The following GLI2 variants were observed in gnomAD, a reference collection of about 807,000 sequenced individuals.
GLI2 encodes the protein GLI family zinc finger 2.
A neutral mutation model predicts 78.9 loss-of-function variants in GLI2; 22 were observed. That is an observed-to-expected ratio of 0.28 (90% CI 0.20 to 0.40). GLI2 has a LOEUF of 0.40. GLI2 is among the 10% of genes least tolerant of loss of function. GLI2 has a pLI of 1.00. For missense variants in GLI2, 2,097 were observed against 2,213.2 expected, an observed-to-expected ratio of 0.95 and a Z score of 1.05; for synonymous variants, 974 against 963.7, an observed-to-expected ratio of 1.01 and a Z score of -0.20.
At chr2:120,979,831 A>G (rs1305552628) in intron 10 of GLI2, among the ~76,000 whole-genome samples, 1 of 152,068 alleles carries the variant, frequency 6.6e-6, no homozygotes, top group Non-Finnish European at 1.5e-5. Flanking sequence ...CTGGACAATT[A>G]CTAATCTGCT....
intron 2 of GLI2, among the ~76,000 whole-genome samples, chr2:120,856,004 C>G (rs948249861): frequency 6.6e-6 from 1 of 152,184 alleles, no homozygotes; most frequent in Non-Finnish European, 1.5e-5. Flanking sequence ...TGGATTATCT[C>G]GTGCCATCTT....
chr2:120,937,931 C>T (rs7597451), intron 3 of GLI2, among the ~76,000 whole-genome samples: 127,268 of 152,064 alleles, frequency 0.84, 57,354 homozygotes, highest in East Asian at 1. Context: ...CCCAGGCCTC[C>T]AGTGAAATAT....
At chr2:120,773,813 T>C (rs1001091575) in intron 1 of GLI2, among the ~76,000 whole-genome samples, 2 of 152,008 alleles carry the variant, frequency 1.3e-5, no homozygotes, top group Non-Finnish European at 2.9e-5. Flanking sequence ...GCTTCAGCGG[T>C]GTTGGAGGCT....
chr2:120,901,561 G>A (rs1678256807), intron 2 of GLI2, among the ~76,000 whole-genome samples: 1 of 152,130 alleles, frequency 6.6e-6, no homozygotes, highest in East Asian at 1.9e-4. Flanking sequence ...CAGGTCCAGG[G>A]GTCTTCATAG....
intron 1 of GLI2, among the ~76,000 whole-genome samples, chr2:120,746,515 C>T (rs1411113730): frequency 6.6e-6 from 1 of 152,198 alleles, no homozygotes; most frequent in African/African-American, 2.4e-5. Flanking sequence ...GGCCCAGAGC[C>T]ATGCCTATCC....
At chr2:120,811,858 C>T (rs997638580) in intron 2 of GLI2, among the ~76,000 whole-genome samples, 3 of 152,116 alleles carry the variant, frequency 2.0e-5, no homozygotes, top group African/African-American at 7.2e-5. Flanking sequence ...CCTTCCCTCC[C>T]TCTTTCCTTC....
chr2:120,898,216 A>AC (rs1558867030), intron 2 of GLI2, among the ~76,000 whole-genome samples: 4 of 151,086 alleles, frequency 2.6e-5, no homozygotes, highest in East Asian at 3.9e-4. Flanking sequence ...ACACACACAC[A>AC]AAATGATTGT....
intron 2 of GLI2, among the ~76,000 whole-genome samples, chr2:120,912,844 G>A (rs1678896103): frequency 6.6e-6 from 1 of 152,266 alleles, no homozygotes; most frequent in South Asian, 2.1e-4. Flanking sequence ...CAAGGGAGGT[G>A]CTGTCGACCA....
intron 2 of GLI2, among the ~76,000 whole-genome samples, chr2:120,919,063 C>T (rs1679241147): frequency 6.6e-6 from 1 of 152,214 alleles, no homozygotes; most frequent in African/African-American, 2.4e-5. Flanking sequence ...CTAGCGCCTT[C>T]TTTTGCCAAA....
chr2:120,742,727 C>A (rs1035817403), intron 1 of GLI2, among the ~76,000 whole-genome samples: 1 of 150,496 alleles, frequency 6.6e-6, no homozygotes, highest in Non-Finnish European at 1.5e-5. Flanking sequence ...CCATTGAGCA[C>A]GTACATCATG....
intron 2 of GLI2, among the ~76,000 whole-genome samples, chr2:120,816,812 A>G (rs1230032658): frequency 3.3e-5 from 5 of 152,212 alleles, no homozygotes; most frequent in Admixed American, 1.3e-4. Flanking sequence ...ATACAGATCT[A>G]GAGATAGAAA....
chr2:120,866,938 C>G (rs1407309722), intron 2 of GLI2: 1 of 152,360 alleles, frequency 6.6e-6, no homozygotes, highest in Non-Finnish European at 1.5e-5. Context: ...TTCACCTGCA[C>G]TGCCCGCAGG....
At chr2:120,885,661 C>T (rs1032835239) in intron 2 of GLI2, among the ~76,000 whole-genome samples, 1 of 152,202 alleles carries the variant, frequency 6.6e-6, no homozygotes, top group South Asian at 2.1e-4. Context: ...CAGCAGGAGG[C>T]GTCTAGCAGG....
intron 5 of GLI2, among the ~76,000 whole-genome samples, chr2:120,963,912 G>A (rs1254490651): frequency 6.6e-6 from 1 of 152,232 alleles, no homozygotes; most frequent in Non-Finnish European, 1.5e-5. Context: ...TTGAGTAAGT[G>A]CTGTGTTTAG....
intron 13 of GLI2, among the ~76,000 whole-genome samples, chr2:120,987,625 G>T (rs1237083922): frequency 1.3e-5 from 2 of 152,154 alleles, no homozygotes; most frequent in Non-Finnish European, 2.9e-5. Flanking sequence ...GTAATAACCT[G>T]CTCCTTAAAC....
intron 2 of GLI2, among the ~76,000 whole-genome samples, chr2:120,894,157 G>T (rs998196100): frequency 6.6e-6 from 1 of 152,190 alleles, no homozygotes; most frequent in Admixed American, 6.5e-5. Flanking sequence ...CTGACTTTCC[G>T]GAAAGGCCCC....
At chr2:120,930,222 C>T (rs1358385290) in intron 3 of GLI2, among the ~76,000 whole-genome samples, 1 of 152,290 alleles carries the variant, frequency 6.6e-6, no homozygotes, top group African/African-American at 2.4e-5. Context: ...GTAGGAAGAC[C>T]CCAACAGCGA....
At chr2:120,773,183 A>G (rs1485053398) in intron 1 of GLI2, among the ~76,000 whole-genome samples, 1 of 152,134 alleles carries the variant, frequency 6.6e-6, no homozygotes, top group African/African-American at 2.4e-5. Flanking sequence ...AAGTGTAACA[A>G]GTGGGTCAGA....
chr2:120,794,849 C>G (rs1021498196), intron 1 of GLI2, among the ~76,000 whole-genome samples: 2 of 152,048 alleles, frequency 1.3e-5, no homozygotes, highest in African/African-American at 4.8e-5. Context: ...AAAGGAGGCC[C>G]CTGACTCACC....
Sources: gnomAD v4.1 joint callset for allele counts (sites outside exome capture counted in the v4.1 genomes callset) on GRCh38, gnomAD v4.1.1 for gene constraint, MANE v1.5 for transcripts, NCBI Gene and HGNC (gene_info 2026-07-23, HGNC 2026-07-21) for gene names.